Variants in PCDHA11 observed in about 807,000 individuals in gnomAD.
The protein encoded by PCDHA11 is protocadherin alpha 11, also known as protocadherin alpha-11.
PCDHA11 carries 61 observed loss-of-function variants against 70.3 expected under a neutral mutation model. The ratio of observed to expected loss-of-function variants is 0.87; its 90% CI spans 0.71 to 1.07. PCDHA11 has a LOEUF of 1.07. Ranked by LOEUF, PCDHA11 falls within the 50% of genes least tolerant of loss-of-function variation. The pLI is 0.00. For missense variants in PCDHA11, 1,324 were observed against 1,237.5 expected, an observed-to-expected ratio of 1.07 and a Z score of -1.05; for synonymous variants, 633 against 555.1, an observed-to-expected ratio of 1.14 and a Z score of -1.97.
In PCDHA11 at chr5:140,928,392, G is replaced by A. The variant is rs17844366; in HGVS notation, c.2392-50557G>A. 2.0e-4 allele frequency: 326 copies of A among 1,614,052 alleles called. No homozygotes were observed. The East Asian group carries it at 6.6e-3, about 32-fold the overall frequency. Reference sequence around the variant, plus strand: ...CATCAGCCTCTAGCTTGCTGGCAGTGGAATCATCCAGTGGGGCCATCACTG... The same window carrying A: ...CATCAGCCTCTAGCTTGCTGGCAGTAGAATCATCCAGTGGGGCCATCACTG... On this transcript the variant is annotated intron_variant, in intron 1 of 3. Transcript: ENST00000398640.
At chr5:140,968,189 T>C (rs181004208) in intron 1 of PCDHA11, 2 of 1,614,034 alleles carry the variant, frequency 1.2e-6, no homozygotes, top group Middle Eastern at 1.6e-4. Flanking sequence ...GGACTCCTAT[T>C]CCATCTACAT....
intron 1 of PCDHA11, among the ~76,000 whole-genome samples, chr5:140,958,345 C>G (rs1220590485): frequency 6.6e-6 from 1 of 152,044 alleles, no homozygotes; most frequent in African/African-American, 2.4e-5. Flanking sequence ...ACAGGAAGTT[C>G]ACAGTCTGAC....
chr5:140,896,391 A>G (rs1438393041), intron 1 of PCDHA11, among the ~76,000 whole-genome samples: 2 of 152,040 alleles, frequency 1.3e-5, no homozygotes, highest in Non-Finnish European at 2.9e-5. Context: ...CCTCACCAGC[A>G]TCTGTTATTT....
intron 1 of PCDHA11, among the ~76,000 whole-genome samples, chr5:140,957,750 TGTTCATTATATATGTTAAGTAAAAACTAA>T (rs1477515057): frequency 6.6e-6 from 1 of 152,128 alleles, no homozygotes; most frequent in African/African-American, 2.4e-5. Context: ...CATGAAAGGA[TGTTCATTATATATGTTAAGTAAAAACTAA>T]GTTCATCATA....
At chr5:140,911,257 A>G (rs1423375928) in intron 1 of PCDHA11, among the ~76,000 whole-genome samples, 1 of 152,156 alleles carries the variant, frequency 6.6e-6, no homozygotes, top group African/African-American at 2.4e-5. Context: ...ATCAGAATTT[A>G]TAATCTCAGT....
chr5:140,875,484 C>T (rs1442383636), intron 1 of PCDHA11: 2 of 1,611,246 alleles, frequency 1.2e-6, no homozygotes, highest in Non-Finnish European at 1.7e-6. Flanking sequence ...TGGTGATTAT[C>T]GGACCAAGAG....
chr5:140,979,074 C>T, intron 2 of PCDHA11, 67 bp downstream of exon 2: 4 of 1,583,968 alleles, frequency 2.5e-6, no homozygotes, highest in Non-Finnish European at 2.6e-6. Context: ...TAAACTGCAT[C>T]TCCATAGGCC....
chr5:140,914,619 T>G (rs1554196515), intron 1 of PCDHA11, among the ~76,000 whole-genome samples: 1 of 152,194 alleles, frequency 6.6e-6, no homozygotes, highest in African/African-American at 2.4e-5. Context: ...TTTTGTAATT[T>G]GTTTTCTCGT....
At chr5:140,891,400 G>A (rs1220760247) in intron 1 of PCDHA11, among the ~76,000 whole-genome samples, 1 of 150,966 alleles carries the variant, frequency 6.6e-6, no homozygotes, top group Non-Finnish European at 1.5e-5. Flanking sequence ...TTTATCCCTC[G>A]CCACCCCCCA....
chr5:140,871,310 C>A lies in PCDHA11; in HGVS notation c.2207C>A (p.Pro736His), dbSNP rs2052956862. The A allele has an allele frequency of 6.2e-7, 1 of 1,613,930 alleles. No individual in the cohort carries two copies. The highest frequency in any genetic ancestry group is 1.1e-5 in the South Asian group (1 of 91,084). ...GAGGGCGCGTGCGCGCCGGGGAAGC[C>A]CACGCTGGTGTGCTCCCGCGCGGTG... ...PTEGACAPGK[P>H]TLVCSRAVGS... The change falls in exon 1 of 4, where the codon CCC becomes CAC. Residue 736 changes from proline (P) to histidine (H), a missense_variant. Coordinates refer to ENST00000398640, the MANE Select transcript of PCDHA11 (RefSeq NM_018902.5).
At chr5:140,879,136 T>C (rs1225791251) in intron 1 of PCDHA11, among the ~76,000 whole-genome samples, 4 of 152,206 alleles carry the variant, frequency 2.6e-5, no homozygotes, top group Admixed American at 2.6e-4. Flanking sequence ...GGGGAGATTG[T>C]GAAGGCAGGA....
Position 141,009,779 on chromosome 5 carries a change from A to G in PCDHA11, c.2692A>G (p.Ile898Val), listed in dbSNP as rs1289763016. 3.7e-6 allele frequency: 6 copies of G among 1,613,952 alleles called. No individual in the cohort carries two copies. Among genetic ancestry groups the G allele is most frequent in the Non-Finnish European group, 5.1e-6 (6 of 1,180,030 alleles). ...CCCAGGATCTCCTGCAATCATCTCCATCCGGCAGGAGCCTACTAACAGCCA... is the reference window on the plus strand; with the variant it reads ...CCCAGGATCTCCTGCAATCATCTCCGTCCGGCAGGAGCCTACTAACAGCCA... ...IIPGSPAIIS[I>V]RQEPTNSQID... The change falls in exon 4 of 4, where the codon ATC becomes GTC. Residue 898 changes from isoleucine to valine, a missense_variant. Coordinates refer to ENST00000398640, the MANE Select transcript of PCDHA11 (RefSeq NM_018902.5).
Position 140,871,418 on chromosome 5 carries a change from G to A in PCDHA11, c.2315G>A (p.Ser772Asn). Residue 772 changes from serine (S) to asparagine (N), a missense_variant, in exon 1 of 4, where the codon AGC becomes AAC. Transcript: ENST00000398640. Reference protein sequence around the residue: ...GPPKTDLMAFSPSLPLGLNKE... With the variant: ...GPPKTDLMAFNPSLPLGLNKE... ...CCTAAGACGGACCTCATGGCCTTCA[G>A]CCCCAGTCTTCCTCTAGGTCTGAAT... is the stretch of plus-strand genomic sequence containing the variant. 4 of 1,613,874 alleles carry A rather than the reference G, an allele frequency of 2.5e-6. No homozygotes were observed. Among genetic ancestry groups the A allele is most frequent in the Admixed American group, 1.7e-5 (1 of 59,952 alleles).
intron 1 of PCDHA11, among the ~76,000 whole-genome samples, chr5:140,900,565 C>T (rs368765128): frequency 1.2e-4 from 19 of 152,248 alleles, no homozygotes; most frequent in South Asian, 1.2e-3. Context: ...GCGTGAGCCA[C>T]GGCACCGGCC....
In PCDHA11 at chr5:140,966,984, G is replaced by A. The variant is rs1217682338; in HGVS notation, c.2392-11965G>A. 4.4e-6 allele frequency: 7 copies of A among 1,603,802 alleles called. No individual in the cohort carries two copies. In the Admixed American group the frequency reaches 5.0e-5, roughly 11 times the overall value. Reference sequence around the variant, plus strand: ...CTGGGGCTTGAGCTGCGGCGCTTGGGGCCGGGTTGCTTGCGCATCAACCAT... The same window carrying A: ...CTGGGGCTTGAGCTGCGGCGCTTGGAGCCGGGTTGCTTGCGCATCAACCAT... On this transcript the variant is annotated intron_variant, in intron 1 of 3. Transcript: ENST00000398640.
chr5:140,882,501 A>G lies in PCDHA11; in HGVS notation c.2391+11007A>G, dbSNP rs782169319. On this transcript the variant is annotated intron_variant, in intron 1 of 3. Transcript: ENST00000398640. Reference sequence around the variant, plus strand: ...AGACACGGGGACCTTCTGGAGGTAAATCTGCAGAATGGCATTTTGTTTGTG... The same window carrying G: ...AGACACGGGGACCTTCTGGAGGTAAGTCTGCAGAATGGCATTTTGTTTGTG... 1 of 1,614,098 alleles carries G rather than the reference A, an allele frequency of 6.2e-7. No individual in the cohort carries two copies. Among genetic ancestry groups the G allele is most frequent in the Non-Finnish European group, 8.5e-7 (1 of 1,180,032 alleles).
chr5:140,969,203 G>A (rs781962982), intron 1 of PCDHA11: 2 of 1,614,178 alleles, frequency 1.2e-6, no homozygotes, highest in Non-Finnish European at 8.5e-7. Flanking sequence ...CAATACAGGG[G>A]CCCAGACAGG....
chr5:140,952,442 A>G (rs1431756877), intron 1 of PCDHA11, among the ~76,000 whole-genome samples: 1 of 152,178 alleles, frequency 6.6e-6, no homozygotes, highest in African/African-American at 2.4e-5. Context: ...CAGGCATAAT[A>G]CAGCCAGGCT....
intron 1 of PCDHA11, among the ~76,000 whole-genome samples, chr5:140,971,436 C>G (rs2153789972): frequency 6.6e-6 from 1 of 152,278 alleles, no homozygotes; most frequent in Non-Finnish European, 1.5e-5. Flanking sequence ...ACCCCAAGAT[C>G]TACAGCTCCA....
Sources: allele counts gnomAD v4.1 joint callset (sites outside exome capture counted in the v4.1 genomes callset), GRCh38; gene constraint gnomAD v4.1.1; transcripts MANE v1.5; gene names NCBI Gene and HGNC (gene_info 2026-07-23, HGNC 2026-07-21).